RNH1: variants seen among roughly 807,000 people sequenced by gnomAD.
RNH1 encodes ribonuclease inhibitor.
Under a neutral mutation model 46.1 loss-of-function variants are expected in RNH1, and 38 were observed. That is an observed-to-expected ratio of 0.82 (90% CI 0.64 to 1.08). The LOEUF is 1.08. Ranked by LOEUF, RNH1 falls within the 50% of genes least tolerant of loss-of-function variation. The pLI, the probability that RNH1 is intolerant of heterozygous loss-of-function variation, is 0.00. For synonymous variants in RNH1, 319 were observed against 279.1 expected, an observed-to-expected ratio of 1.14 and a Z score of -1.43; for missense variants, 577 against 590.7, an observed-to-expected ratio of 0.98 and a Z score of 0.24.
chr11:498,517 T>C lies in RNH1; in HGVS notation c.896A>G (p.Glu299Gly). Reference sequence around the variant, plus strand: ...GGTCTCACACAGCAGTCGGGCACCCTCATCCCCCAGCTCGTTGCCGGCCAG... The same window carrying C: ...GGTCTCACACAGCAGTCGGGCACCCCCATCCCCCAGCTCGTTGCCGGCCAG... ...LSLAGNELGD[E>G]GARLLCETLL... The change falls in exon 8 of 11, where the codon GAG becomes GGG. Residue 299 changes from glutamate to glycine, a missense_variant. Transcript: ENST00000354420. 1 of 1,613,232 alleles carries C rather than the reference T, an allele frequency of 6.2e-7. No individual in the cohort carries two copies. Among genetic ancestry groups the C allele is most frequent in the Non-Finnish European group, 8.5e-7 (1 of 1,179,978 alleles).
At chr11:500,457 C>CAG in intron 4 of RNH1, 27 bp downstream of exon 4, 1 of 1,593,690 alleles carries the variant, frequency 6.3e-7, no homozygotes. Context: ...TGCACCAGGC[C>CAG]AGAGGCAGTG....
At chr11:504,605 C>T (rs1312454687) in intron 2 of RNH1, 1 of 152,328 alleles carries the variant, frequency 6.6e-6, no homozygotes, top group Non-Finnish European at 1.5e-5. Flanking sequence ...CAGCTACTAC[C>T]CCAGCTTTCC....
rs972082962 is a variant in RNH1, at chr11:498,264, T to C, written c.957-123A>G. ...AAACATCTGACAGCCTCCCAGCAAG[T>C]GGGCACCTACACCTGGTCCTTGGCC... On this transcript the variant is annotated intron_variant, in intron 8 of 10. Coordinates refer to ENST00000354420, the MANE Select transcript of RNH1 (RefSeq NM_203387.3). 7.1e-6 allele frequency: 9 copies of C among 1,275,064 alleles called. 1 individual carries two copies. Among genetic ancestry groups the C allele is most frequent in the Non-Finnish European group, 9.6e-6 (9 of 933,396 alleles). 79.0% of individuals were successfully genotyped at this position (1,275,064 alleles called of 1,614,324 possible).
At chr11:496,892 G>A (rs1328570074) in intron 9 of RNH1, among the ~76,000 whole-genome samples, 1 of 152,264 alleles carries the variant, frequency 6.6e-6, no homozygotes, top group Admixed American at 6.5e-5. Flanking sequence ...GGGCTTCCAG[G>A]AAGATGGACC....
intron 9 of RNH1, among the ~76,000 whole-genome samples, chr11:496,031 A>T (rs1849022384): frequency 6.6e-6 from 1 of 151,414 alleles, no homozygotes; most frequent in African/African-American, 2.4e-5. Flanking sequence ...ACATAATTAG[A>T]GGGTCACTCC....
chr11:502,602 G>A lies in RNH1; in HGVS notation c.-87-353C>T. 1 of 225,778 alleles carries A rather than the reference G, an allele frequency of 4.4e-6. No individual in the cohort carries two copies. The highest frequency in any genetic ancestry group is 9.1e-6 in the Non-Finnish European group (1 of 110,142). The allele number at this position is 225,778 out of a possible 1,614,324, so 14.0% of individuals were successfully genotyped here. A position where few individuals can be genotyped will look rare whatever the true frequency, so the allele number is the denominator to read the frequency against. ...TGAGCCTGGAGGCCCCAGCAGGGGA[G>A]CAAGGGGGTCTGTGGGCTTGACCTG... On this transcript the variant is annotated intron_variant, in intron 2 of 10. Coordinates refer to ENST00000354420, the MANE Select transcript of RNH1 (RefSeq NM_203387.3). The surrounding 1 kb of genome is among the most constrained non-coding windows in gnomAD (Gnocchi z 5.8).
rs1849724157 is a variant in RNH1 at position 501,215 on chromosome 11, C to G, written c.102-561G>C. On this transcript the variant is annotated intron_variant, in intron 3 of 10. Transcript: ENST00000354420. The surrounding 1 kb of genome is among the most constrained non-coding windows in gnomAD (Gnocchi z 4.1). Reference sequence around the variant, plus strand: ...TCACAGTGGAGAGGGTGGCAGACGGCGCCTGTGACAGGACGCTCCTGGCAG... The same window carrying G: ...TCACAGTGGAGAGGGTGGCAGACGGGGCCTGTGACAGGACGCTCCTGGCAG... 1 of 205,874 alleles carries G rather than the reference C, an allele frequency of 4.9e-6. No individual in the cohort carries two copies. The highest frequency in any genetic ancestry group is 1.2e-4 in the East Asian group (1 of 8,072). The allele number at this position is 205,874 out of a possible 1,614,324, so 12.8% of individuals were successfully genotyped here.
chr11:498,249 C>T, intron 8 of RNH1, 108 bp from the exon 9 acceptor site: 1 of 1,342,340 alleles, frequency 7.4e-7, no homozygotes, highest in Non-Finnish European at 1.0e-6. Context: ...AAACATCTGA[C>T]AGCCTCCCAG....
intron 1 of RNH1, chr11:506,877 G>A (rs955480088): frequency 3.3e-5 from 5 of 152,278 alleles, no homozygotes; most frequent in Non-Finnish European, 7.3e-5. Flanking sequence ...GCACCGCGAT[G>A]ACGTCCTCAA....
intron 3 of RNH1, 147 bp from the exon 4 acceptor site, chr11:500,801 A>C: frequency 3.3e-6 from 3 of 914,118 alleles, no homozygotes; most frequent in African/African-American, 1.6e-5. Context: ...ATGAAACAAA[A>C]AGGAGGAACT....
chr11:502,038 A>C lies in RNH1; in HGVS notation c.101+24T>G. 1.3e-6 allele frequency: 2 copies of C among 1,590,736 alleles called. No individual in the cohort carries two copies. Among genetic ancestry groups the C allele is most frequent in the Non-Finnish European group, 1.7e-6 (2 of 1,166,610 alleles). On this transcript the variant is annotated intron_variant, in intron 3 of 10. Transcript: ENST00000354420. The surrounding 1 kb of genome is among the most constrained non-coding windows in gnomAD (Gnocchi z 5.8). The stretch of plus-strand genomic sequence containing the variant: ...GCCAGCCTGCCCCACCAGCACCCCA[A>C]GGCCACCCCGAGAGCAAGCGTACCT...
At chr11:496,655 C>A (rs991401070) in intron 9 of RNH1, among the ~76,000 whole-genome samples, 1 of 152,124 alleles carries the variant, frequency 6.6e-6, no homozygotes, top group Non-Finnish European at 1.5e-5. Flanking sequence ...GGCGACAGAG[C>A]AAGACTCTCT....
chr11:495,155 C>T (rs763273576), intron 9 of RNH1, 102 bp from the exon 10 acceptor site: 53 of 1,242,944 alleles, frequency 4.3e-5, no homozygotes, highest in East Asian at 3.3e-4. Flanking sequence ...CACCTGTGCT[C>T]GGCAACTCAG....
chr11:495,571 G>A lies in RNH1; in HGVS notation c.1128-518C>T, dbSNP rs373915829. ...TCCCGGGGTGGAGCCGCCACAGGCC[G>A]GACAGCAGGGCCAAGGAGTTGCACT... On this transcript the variant is annotated intron_variant, in intron 9 of 10. Coordinates refer to ENST00000354420, the MANE Select transcript of RNH1 (RefSeq NM_203387.3). 9.8e-5 allele frequency among the ~76,000 whole-genome samples: 15 copies of A among 152,314 alleles called. No individual in the cohort carries two copies. The East Asian group carries it at 1.5e-3, about 16-fold the overall frequency.
In RNH1 at chr11:498,078, G is replaced by A. The variant is rs1849340708; in HGVS notation, c.1020C>T (p.Asn340=). ...TTATCTGTAGCTCCAGGAGAAACCT[G>A]TTCTGGGCCAGCACTGAGCTGAAGT... The part of the protein sequence containing the change: ...CSHFSSVLAQ[N]RFLLELQISN... The change falls in exon 9 of 11, where the codon AAC becomes AAT. Residue 340 remains asparagine, a synonymous_variant. Transcript: ENST00000354420. 1.9e-6 allele frequency: 3 copies of A among 1,613,978 alleles called. No homozygotes were observed. Among genetic ancestry groups the A allele is most frequent in the Non-Finnish European group, 2.5e-6 (3 of 1,180,042 alleles).
Position 494,607 on chromosome 11 carries a change from C to G in RNH1, c.*84G>C. On this transcript the variant is annotated 3_prime_UTR_variant, in exon 11 of 11. Transcript: ENST00000354420. ...CGTTTCTCTTCAAACCTAGGATATG[C>G]AGGGTGAGAGCATGGCAGGGGCTGG... is the stretch of plus-strand genomic sequence containing the variant. 1 of 1,152,388 alleles carries G rather than the reference C, an allele frequency of 8.7e-7. No individual in the cohort carries two copies. The highest frequency in any genetic ancestry group is 1.3e-6 in the Non-Finnish European group (1 of 775,056). 71.4% of individuals were successfully genotyped at this position (1,152,388 alleles called of 1,614,324 possible).
rs201821070 is a variant in RNH1, at chr11:495,089, G to A, written c.1128-36C>T. On this transcript the variant is annotated intron_variant, in intron 9 of 10. Transcript: ENST00000354420. ...CAGGGCGGGGGTCAGGGTGCCGGGC[G>A]TGCCTGGCACCGCACTGACCGGCAG... 2.0e-4 allele frequency: 316 copies of A among 1,582,292 alleles called. 2 individuals are homozygous for A. In the African/African-American group the frequency reaches 3.7e-3, roughly 18 times the overall value.
chr11:495,306 CAG>C (rs879448279), intron 9 of RNH1, among the ~76,000 whole-genome samples: 4 of 152,172 alleles, frequency 2.6e-5, no homozygotes, highest in Non-Finnish European at 5.9e-5. Flanking sequence ...GGAGAAAGGA[CAG>C]GAGAGAGATG....
intron 9 of RNH1, among the ~76,000 whole-genome samples, chr11:495,526 GAGA>G (rs1848978529): frequency 6.6e-6 from 1 of 152,198 alleles, no homozygotes; most frequent in South Asian, 2.1e-4. Flanking sequence ...GGATGGGATA[GAGA>G]AGACCCAACA....
Sources: gnomAD v4.1 joint callset for allele counts (sites outside exome capture counted in the v4.1 genomes callset) on GRCh38, gnomAD v4.1.1 for gene constraint, Gnocchi (gnomAD v3.1) non-coding constraint, MANE v1.5 for transcripts, NCBI Gene and HGNC (gene_info 2026-07-23, HGNC 2026-07-21) for gene names.